GHRH: variants seen among roughly 807,000 people sequenced by gnomAD.
GHRH encodes the protein growth hormone releasing hormone, also known as somatoliberin.
GHRH carries 7 observed loss-of-function variants against 15.6 expected under a neutral mutation model. The observed-to-expected ratio is 0.45, with a 90% CI of 0.26 to 0.84. The LOEUF (loss-of-function observed/expected upper bound fraction) is 0.84, where lower values mean the gene tolerates loss of function less well. Ranked by LOEUF, GHRH falls within the 40% of genes least tolerant of loss-of-function variation. The pLI is 0.18. For synonymous variants in GHRH, 54 were observed against 50.4 expected (o/e 1.07, Z -0.30); for missense variants, 117 against 138.0 (o/e 0.85, Z 0.76).
intron 4 of GHRH, among the ~76,000 whole-genome samples, chr20:37,252,524 A>T (rs10470048): frequency 0.016 from 2,398 of 150,788 alleles, 60 homozygotes; most frequent in African/African-American, 0.054. Flanking sequence ...CCCAGCACTT[A>T]GGGAGGCCAT....
At chr20:37,255,378 G>A (rs1038495770) in intron 3 of GHRH, among the ~76,000 whole-genome samples, 2 of 151,900 alleles carry the variant, frequency 1.3e-5, no homozygotes, top group Non-Finnish European at 2.9e-5. Context: ...ATTAACCCTG[G>A]GCCAGGGCGC....
intron 4 of GHRH, among the ~76,000 whole-genome samples, chr20:37,253,322 C>G (rs2146746757): frequency 6.6e-6 from 1 of 152,328 alleles, no homozygotes; most frequent in South Asian, 2.1e-4. Context: ...ACTCATCTAC[C>G]ACAGGGTGTG....
chr20:37,252,662 G>T (rs1000495155), intron 4 of GHRH, among the ~76,000 whole-genome samples: 1 of 151,708 alleles, frequency 6.6e-6, no homozygotes, highest in Non-Finnish European at 1.5e-5. Context: ...CAGCACTTTG[G>T]GAGGCCATGG....
intron 3 of GHRH, among the ~76,000 whole-genome samples, chr20:37,255,955 A>G (rs1355223233): frequency 6.6e-6 from 1 of 152,020 alleles, no homozygotes; most frequent in East Asian, 1.9e-4. Flanking sequence ...GAGTCCAGGC[A>G]TTTGAGGTTA....
At chr20:37,255,660 CAAAAAAAAAAAA>C (rs61126074) in intron 3 of GHRH, among the ~76,000 whole-genome samples, 1 of 14,710 alleles carries the variant, frequency 6.8e-5, no homozygotes, top group Non-Finnish European at 1.3e-4. Flanking sequence ...GACTCCATCT[CAAAAAAAAAAAA>C]AAAAAAAAAA....
At position 37,254,261 on chromosome 20, in the gene GHRH, T is replaced by C. The variant is rs1446122904; in HGVS notation, c.257A>G (p.Gln86Arg). 1.2e-6 allele frequency: 2 copies of C among 1,614,254 alleles called. No homozygotes were observed. The highest frequency in any genetic ancestry group is 2.2e-5 in the South Asian group (2 of 91,088). The change falls in exon 4 of 5, where the codon CAA (glutamine) becomes CGA (arginine). Residue 86 changes from glutamine to arginine, a missense_variant. Transcript: ENST00000373614. ...GRQVDSMWAE[Q>R]KQMELESILV... ...GATGCTCTCCAATTCCATTTGCTTT[T>C]GTTCTGCCCACATGCTGTCTACCTG...
intron 4 of GHRH, among the ~76,000 whole-genome samples, chr20:37,252,908 A>T (rs1360217970): frequency 6.6e-6 from 1 of 152,018 alleles, no homozygotes; most frequent in Non-Finnish European, 1.5e-5. Context: ...GCATGGTGGC[A>T]GGCGCCTGTA....
chr20:37,259,552 C>A (rs556442051), intron 1 of GHRH, among the ~76,000 whole-genome samples: 1 of 152,292 alleles, frequency 6.6e-6, no homozygotes, highest in South Asian at 2.1e-4. Flanking sequence ...TGCTCAGAAG[C>A]CCTTGGCTCC....
intron 3 of GHRH, among the ~76,000 whole-genome samples, chr20:37,255,021 G>A (rs548909856): frequency 2.0e-5 from 3 of 152,242 alleles, no homozygotes; most frequent in Non-Finnish European, 4.4e-5. Context: ...TTATGTAAGG[G>A]GATGTCCTTT....
At chr20:37,260,352 G>T (rs1020779781) in intron 1 of GHRH, among the ~76,000 whole-genome samples, 3 of 151,110 alleles carry the variant, frequency 2.0e-5, no homozygotes, top group African/African-American at 7.3e-5. Context: ...ATGTCACTAA[G>T]GATAAAATAG....
chr20:37,257,585 G>A (rs951871940), intron 1 of GHRH, among the ~76,000 whole-genome samples: 2 of 151,656 alleles, frequency 1.3e-5, no homozygotes, highest in Non-Finnish European at 2.9e-5. Context: ...GAAGGTCAAA[G>A]AACCTTCTCT....
intron 2 of GHRH, 25 bp from the exon 3 acceptor site, chr20:37,256,523 G>C (rs1333049673): frequency 6.7e-7 from 1 of 1,502,330 alleles, no homozygotes; most frequent in South Asian, 1.1e-5. Flanking sequence ...TCAGGGGTCA[G>C]AGGGCGGGGT....
chr20:37,256,297 G>A (rs2068655252), intron 3 of GHRH, 97 bp downstream of exon 3: 1 of 681,802 alleles, frequency 1.5e-6, no homozygotes, highest in African/African-American at 1.8e-5. Flanking sequence ...CTGTGCCAAG[G>A]AAGAGATCTG....
Position 37,258,963 on chromosome 20 carries a change from C to G in GHRH, c.-19-2055G>C, listed in dbSNP as rs58116025. On this transcript the variant is annotated intron_variant, in intron 1 of 4. Transcript: ENST00000373614. The surrounding 1 kb of genome is among the most constrained non-coding windows in gnomAD (Gnocchi z 4.1). ...CTATATTGCCGAGGCTGGTTTCAAA[C>G]CCCCGGGCTTAAGTGATCCCCCCGC... 6.6e-6 allele frequency among the ~76,000 whole-genome samples: 1 copy of G among 152,006 alleles called. No homozygotes were observed. Among genetic ancestry groups the G allele is most frequent in the Non-Finnish European group, 1.5e-5 (1 of 68,004 alleles).
intron 4 of GHRH, among the ~76,000 whole-genome samples, chr20:37,251,601 T>C (rs1283256882): frequency 6.6e-6 from 1 of 152,214 alleles, no homozygotes; most frequent in Non-Finnish European, 1.5e-5. Flanking sequence ...GTCTAGTTCC[T>C]TGCTGCTTCG....
In GHRH at chr20:37,254,221, C is replaced by G; in HGVS notation, c.297G>C (p.Leu99=). ...ACACACACCCATACCTGTGCTTCTG[C>G]AGCAGGGCCACCAGGATGCTCTCCA... ...MELESILVAL[L]QKHSRNSQG is the part of the protein sequence containing the mutation. Residue 99 remains leucine (L), a synonymous_variant, in exon 4 of 5, where the codon CTG becomes CTC. Transcript: ENST00000373614. The G allele has an allele frequency of 1.2e-6, 2 of 1,614,194 alleles. No individual in the cohort carries two copies. Among genetic ancestry groups the G allele is most frequent in the Non-Finnish European group, 1.7e-6 (2 of 1,180,006 alleles).
intron 4 of GHRH, among the ~76,000 whole-genome samples, chr20:37,253,065 G>A (rs970279766): frequency 1.3e-5 from 2 of 152,180 alleles, no homozygotes; most frequent in Non-Finnish European, 2.9e-5. Flanking sequence ...CTAAACCCCA[G>A]CAGAGTTTCT....
rs772701000 is a variant in GHRH at position 37,256,408 on chromosome 20, C to T, written c.174G>A (p.Met58Ile). The part of the protein sequence containing the change: ...LSARKLLQDI[M>I]SRQQGESNQE... Reference sequence around the variant, plus strand: ...CTCCTGCTTACCCCTGCTGCCTGCTCATGATGTCCTGGAGCAGCTTGCGGG... The same window carrying T: ...CTCCTGCTTACCCCTGCTGCCTGCTTATGATGTCCTGGAGCAGCTTGCGGG... The change falls in exon 3 of 5, where the codon ATG (methionine) becomes ATA (isoleucine). Residue 58 changes from methionine to isoleucine, a missense_variant. Transcript: ENST00000373614. 10 of 1,610,688 alleles carry T rather than the reference C, an allele frequency of 6.2e-6. No homozygotes were observed. The Admixed American group carries it at 1.0e-4, about 16-fold the overall frequency.
intron 2 of GHRH, 63 bp from the exon 3 acceptor site, chr20:37,256,561 C>T: frequency 9.9e-7 from 1 of 1,011,412 alleles, no homozygotes; most frequent in South Asian, 1.4e-5. Flanking sequence ...ACAGTCGTGG[C>T]TGCACTCGCC....
Sources: allele counts gnomAD v4.1 joint callset (sites outside exome capture counted in the v4.1 genomes callset), GRCh38; gene constraint gnomAD v4.1.1; non-coding constraint Gnocchi (gnomAD v3.1); transcripts MANE v1.5; gene names NCBI Gene and HGNC (gene_info 2026-07-23, HGNC 2026-07-21).